Variants in FANCL observed in about 807,000 individuals in gnomAD.
FANCL encodes the protein FA complementation group L, also known as E3 ubiquitin-protein ligase FANCL.
A neutral mutation model predicts 59.4 loss-of-function variants in FANCL; 69 were observed. The observed-to-expected ratio is 1.16, with a 90% CI of 0.96 to 1.42. The LOEUF is 1.42. FANCL is among the 40% of genes most tolerant of loss of function. The pLI, the probability that FANCL is intolerant of heterozygous loss-of-function variation, is 0.00. For synonymous variants in FANCL, 180 were observed against 147.1 expected (o/e 1.22, Z -1.62); for missense variants, 519 against 447.2 (o/e 1.16, Z -1.45).
chr2:58,170,171 G>C (rs1686423050), intron 7 of FANCL, among the ~76,000 whole-genome samples: 1 of 152,194 alleles, frequency 6.6e-6, no homozygotes, highest in African/African-American at 2.4e-5. Flanking sequence ...AAGCCCATCA[G>C]ACTAACAGCA....
Position 58,204,222 on chromosome 2 carries a change from C to G in FANCL, c.379G>C (p.Val127Leu), listed in dbSNP as rs777200025. The G allele has an allele frequency of 1.9e-6, 3 of 1,612,264 alleles. No homozygotes were observed. The highest frequency in any genetic ancestry group is 1.3e-5 in the African/African-American group (1 of 74,856). Residue 127 changes from valine to leucine, a missense_variant, in exon 6 of 14, where the codon GTG becomes CTG. Physicochemically the swap from Val to Leu is conservative, Grantham distance 32 (BLOSUM62 1). Coordinates refer to ENST00000233741, the MANE Select transcript of FANCL (RefSeq NM_018062.4). ...GTACTGAAGCAGGTATCCGCATACACAAGTCTGGTGAGCAGAGGAGAATAA... is the reference window on the plus strand; with the variant it reads ...GTACTGAAGCAGGTATCCGCATACAGAAGTCTGGTGAGCAGAGGAGAATAA... ...EIGTLGWDKL[V>L]YADTCFSTIK...
chr2:58,165,578 G>A (rs1330206133), intron 8 of FANCL, 146 bp downstream of exon 8: 4 of 876,480 alleles, frequency 4.6e-6, no homozygotes, highest in Non-Finnish European at 7.1e-6. Flanking sequence ...ACATTTAAAT[G>A]TGTAGCCAAA....
At chr2:58,227,699 T>C (rs1382666211) in intron 3 of FANCL, among the ~76,000 whole-genome samples, 2 of 152,284 alleles carry the variant, frequency 1.3e-5, no homozygotes, top group East Asian at 3.9e-4. Flanking sequence ...CTCGGGTTTT[T>C]ATAGGCACAA....
At chr2:58,165,897 A>G (rs775486124) in intron 7 of FANCL, 23 bp from the exon 8 acceptor site, 10 of 1,609,236 alleles carry the variant, frequency 6.2e-6, no homozygotes, top group East Asian at 2.2e-5. Flanking sequence ...TGAAAGTTGA[A>G]TAAGTTATAT....
rs28588526 is a variant in FANCL, at chr2:58,226,450, T to C, written c.273+278A>G. 0.061 allele frequency among the ~76,000 whole-genome samples: 9,328 copies of C among 152,248 alleles called. 439 individuals are homozygous for C. Among genetic ancestry groups the C allele is most frequent in the African/African-American group, 0.13 (5,225 of 41,538 alleles). On this transcript the variant is annotated intron_variant, in intron 4 of 13. Transcript: ENST00000233741. ...TCTTAGATGTTAAACTCTCTGCTGA[T>C]AGGCCAGGAGTACATTTTATTTCTT...
intron 7 of FANCL, among the ~76,000 whole-genome samples, chr2:58,171,263 T>C (rs572587099): frequency 1.3e-4 from 20 of 152,322 alleles, no homozygotes; most frequent in African/African-American, 4.6e-4. Context: ...AACCTTCTCC[T>C]GAATGACTAC....
At chr2:58,193,865 A>AAATGCTACTTT in intron 7 of FANCL, among the ~76,000 whole-genome samples, 1 of 152,180 alleles carries the variant, frequency 6.6e-6, no homozygotes. Context: ...AGTACATACG[A>AAATGCTACTTT]ACTGAGGCAA....
At chr2:58,161,397 G>C (rs1364346144) in intron 12 of FANCL, 125 bp downstream of exon 12, 5 of 739,038 alleles carry the variant, frequency 6.8e-6, no homozygotes, top group South Asian at 1.4e-5. Context: ...CTGGTAAAAG[G>C]AGTTAATGGC....
At position 58,232,009 on chromosome 2, in the gene FANCL, C is replaced by T. The variant is rs1354754303; in HGVS notation, c.155+45G>A. On this transcript the variant is annotated intron_variant, in intron 2 of 13. Coordinates refer to ENST00000233741, the MANE Select transcript of FANCL (RefSeq NM_018062.4). ...TTTATACCAAATGTACTGCCTGTCC[C>T]ACCAAAATGCAAAAATGCACGTTTA... 2.6e-6 allele frequency: 4 copies of T among 1,544,668 alleles called. No homozygotes were observed. The South Asian group carries it at 4.5e-5, about 17-fold the overall frequency.
In FANCL at chr2:58,208,778, G is replaced by A. The variant is rs553056869; in HGVS notation, c.375-4552C>T. 5.3e-4 allele frequency among the ~76,000 whole-genome samples: 81 copies of A among 152,160 alleles called. 1 individual carries two copies. Among genetic ancestry groups the A allele is most frequent in the African/African-American group, 1.9e-3 (80 of 41,516 alleles). On this transcript the variant is annotated intron_variant, in intron 5 of 13. Transcript: ENST00000233741. ...TAATGCGTGTCTTTACTTCGTCTCT[G>A]TACACCAATCCATTCTGCCTTCTGT...
intron 5 of FANCL, among the ~76,000 whole-genome samples, chr2:58,214,351 C>T (rs1380889521): frequency 6.6e-6 from 1 of 152,112 alleles, no homozygotes; most frequent in Non-Finnish European, 1.5e-5. Flanking sequence ...GCTCACAAAA[C>T]ACTTACTCCA....
intron 2 of FANCL, 21 bp downstream of exon 2, chr2:58,232,033 T>C (rs754508256): frequency 1.2e-6 from 2 of 1,610,952 alleles, no homozygotes; most frequent in Non-Finnish European, 1.7e-6. Flanking sequence ...AATGCACGTT[T>C]ATAACTAAAC....
chr2:58,166,630 T>C (rs1685979858), intron 7 of FANCL, among the ~76,000 whole-genome samples: 1 of 152,222 alleles, frequency 6.6e-6, no homozygotes, highest in Non-Finnish European at 1.5e-5. Flanking sequence ...ATACTTTTGA[T>C]ACAAAATCAA....
At chr2:58,187,335 T>C (rs1051441960) in intron 7 of FANCL, among the ~76,000 whole-genome samples, 2 of 148,732 alleles carry the variant, frequency 1.3e-5, no homozygotes, top group African/African-American at 2.5e-5. Context: ...AAACACCGCA[T>C]GTTCTCACTC....
intron 6 of FANCL, among the ~76,000 whole-genome samples, chr2:58,198,991 T>C (rs1028646793): frequency 2.1e-5 from 3 of 143,908 alleles, no homozygotes; most frequent in Admixed American, 1.4e-4. Flanking sequence ...ACTGCGCCAC[T>C]GCACTCCAGC....
At chr2:58,163,284 A>G (rs769285566) in intron 9 of FANCL, 150 bp downstream of exon 9, 1 of 736,622 alleles carries the variant, frequency 1.4e-6, no homozygotes, top group Non-Finnish European at 2.3e-6. Flanking sequence ...TCGCGCCATT[A>G]CACTACATAC....
intron 1 of FANCL, among the ~76,000 whole-genome samples, chr2:58,238,265 A>C (rs1401471084): frequency 6.6e-6 from 1 of 152,172 alleles, no homozygotes; most frequent in African/African-American, 2.4e-5. Context: ...AAGATTGGAC[A>C]CCCTGTTTTA....
chr2:58,221,328 C>G (rs767602826), intron 5 of FANCL, among the ~76,000 whole-genome samples: 4 of 152,072 alleles, frequency 2.6e-5, no homozygotes, highest in South Asian at 2.1e-4. Flanking sequence ...AATTCAGAAA[C>G]TGAATAGCAA....
intron 3 of FANCL, among the ~76,000 whole-genome samples, chr2:58,228,337 CAT>C (rs1693236704): frequency 2.0e-5 from 3 of 152,148 alleles, no homozygotes; most frequent in South Asian, 2.1e-4. Context: ...TGCATGAACA[CAT>C]ATGATTCACA....
Sources: allele counts gnomAD v4.1 joint callset (sites outside exome capture counted in the v4.1 genomes callset), GRCh38; gene constraint gnomAD v4.1.1; transcripts MANE v1.5; gene names NCBI Gene and HGNC (gene_info 2026-07-23, HGNC 2026-07-21).